Variants in EML4 observed in about 807,000 individuals in gnomAD.
EML4 encodes the protein echinoderm microtubule-associated protein-like 4.
In EML4, 72 loss-of-function variants were observed where a neutral mutation model predicts 129.0. That is an observed-to-expected ratio of 0.56 (90% CI 0.46 to 0.68). The LOEUF is 0.68. EML4 is among the 30% of genes least tolerant of loss of function. EML4 has a pLI of 0.00. For synonymous variants in EML4, 532 were observed against 405.0 expected (o/e 1.31, Z -3.77); for missense variants, 1,363 against 1,190.6 (o/e 1.14, Z -2.13).
chr2:42,285,642 A>G (rs1365291339), intron 9 of EML4, among the ~76,000 whole-genome samples: 2 of 144,472 alleles, frequency 1.4e-5, no homozygotes, highest in Admixed American at 7.2e-5. Flanking sequence ...TCTGTCTCCC[A>G]GGCTGGAGTG....
In EML4 at chr2:42,169,607, G is replaced by T. The variant is rs370083781; in HGVS notation, c.-5G>T. 6 of 1,598,608 alleles carry T rather than the reference G, an allele frequency of 3.8e-6. No individual in the cohort carries two copies. Among genetic ancestry groups the T allele is most frequent in the South Asian group, 2.2e-5 (2 of 89,996 alleles). On this transcript the variant is annotated 5_prime_UTR_variant, in exon 1 of 23. Coordinates refer to ENST00000318522, the MANE Select transcript of EML4 (RefSeq NM_019063.5). ...AAGCCCGGAGCCCGGCGCTTTCCCC[G>T]CAAGATGGACGGTTTCGCCGGCAGT...
At chr2:42,215,400 C>A (rs1673125336) in intron 1 of EML4, among the ~76,000 whole-genome samples, 1 of 152,154 alleles carries the variant, frequency 6.6e-6, no homozygotes, top group African/African-American at 2.4e-5. Flanking sequence ...ATAATCCAAG[C>A]TGATTTTCAT....
At chr2:42,189,720 C>T (rs112435235) in intron 1 of EML4, among the ~76,000 whole-genome samples, 1,553 of 152,298 alleles carry the variant, frequency 0.01, 20 homozygotes, top group African/African-American at 0.036. Flanking sequence ...TGATATCATA[C>T]AGTTAGTGTG....
chr2:42,248,651 T>G (rs192414144), intron 2 of EML4, among the ~76,000 whole-genome samples: 1 of 152,246 alleles, frequency 6.6e-6, no homozygotes, highest in Admixed American at 6.5e-5. Flanking sequence ...CACATAACAC[T>G]AACTTAATTC....
intron 1 of EML4, among the ~76,000 whole-genome samples, chr2:42,189,931 C>A (rs1671487811): frequency 6.6e-6 from 1 of 150,664 alleles, no homozygotes; most frequent in African/African-American, 2.4e-5. Context: ...CATCATGAGA[C>A]ATATTACGAA....
intron 13 of EML4, among the ~76,000 whole-genome samples, chr2:42,299,719 C>T (rs1009997610): frequency 6.6e-6 from 1 of 152,070 alleles, no homozygotes; most frequent in East Asian, 1.9e-4. Context: ...GATGGAGTTT[C>T]ACTCTTGTTG....
rs140319582 is a variant in EML4 at position 42,295,228 on chromosome 2, A to T, written c.1322A>T (p.Asn441Ile). 6.2e-7 allele frequency: 1 copy of T among 1,613,724 alleles called. No homozygotes were observed. Among genetic ancestry groups the T allele is most frequent in the African/African-American group, 1.3e-5 (1 of 74,926 alleles). Reference sequence around the variant, plus strand: ...ATTTTCTTCTGGACCTGGAGCGGCAATTCACTAACAAGAAAACAGGGAATT... The same window carrying T: ...ATTTTCTTCTGGACCTGGAGCGGCATTTCACTAACAAGAAAACAGGGAATT... Reference protein sequence around the residue: ...SHIFFWTWSGNSLTRKQGIFG... With the variant: ...SHIFFWTWSGISLTRKQGIFG... The change falls in exon 12 of 23, where the codon AAT becomes ATT. Residue 441 changes from asparagine to isoleucine, a missense_variant. Transcript: ENST00000318522.
At chr2:42,245,094 C>CTTTTTTTTTTT (rs56808218) in intron 1 of EML4, among the ~76,000 whole-genome samples, 3,790 of 66,158 alleles carry the variant, frequency 0.057, 848 homozygotes, top group Non-Finnish European at 0.073. Context: ...AATTTTCTTT[C>CTTTTTTTTTTT]TTTTTTTTTT....
chr2:42,257,652 G>A (rs992743996), intron 3 of EML4, among the ~76,000 whole-genome samples: 3 of 152,072 alleles, frequency 2.0e-5, no homozygotes, highest in Non-Finnish European at 4.4e-5. Context: ...TGGCTAACAC[G>A]GTGAAACCCC....
chr2:42,328,838 A>G lies in EML4; in HGVS notation c.2342-48A>G, dbSNP rs373350905. On this transcript the variant is annotated intron_variant, in intron 21 of 22. Transcript: ENST00000318522. The stretch of plus-strand genomic sequence containing the variant: ...AATAAACATATATAGCATCACAGTT[A>G]TATTTCTTCAGCTAATTTTTCTGCA... 12 of 1,504,518 alleles carry G rather than the reference A, an allele frequency of 8.0e-6. No homozygotes were observed. In the African/African-American group the frequency reaches 9.7e-5, roughly 12 times the overall value. The allele number at this position is 1,504,518 out of a possible 1,614,324, so 93.2% of individuals were successfully genotyped here.
intron 11 of EML4, among the ~76,000 whole-genome samples, chr2:42,290,968 C>T (rs1027877334): frequency 2.3e-4 from 35 of 151,802 alleles, no homozygotes; most frequent in Admixed American, 6.6e-5. Flanking sequence ...AGGGAATAGC[C>T]ACAATTGTAA....
At chr2:42,254,301 A>C (rs1463988399) in intron 2 of EML4, among the ~76,000 whole-genome samples, 1 of 152,108 alleles carries the variant, frequency 6.6e-6, no homozygotes, top group Non-Finnish European at 1.5e-5. Flanking sequence ...CGAAAAAAAT[A>C]TAAAAATTAG....
At position 42,176,411 on chromosome 2, in the gene EML4, C is replaced by T. The variant is rs1271210563; in HGVS notation, c.25+6775C>T. Among the ~76,000 whole-genome samples, 4 of 152,218 alleles carry T rather than the reference C, an allele frequency of 2.6e-5. No homozygotes were observed. The East Asian group carries it at 7.7e-4, about 29-fold the overall frequency. On this transcript the variant is annotated intron_variant, in intron 1 of 22. Coordinates refer to ENST00000318522, the MANE Select transcript of EML4 (RefSeq NM_019063.5). Reference sequence around the variant, plus strand: ...ATGCTTTGATTGTGCTATTCACCCTCTCAGATTGCTTCATTGCTTTAATGA... The same window carrying T: ...ATGCTTTGATTGTGCTATTCACCCTTTCAGATTGCTTCATTGCTTTAATGA...
At position 42,317,403 on chromosome 2, in the gene EML4, C is replaced by G. The variant is rs367620523; in HGVS notation, c.2057-24C>G. On this transcript the variant is annotated intron_variant, in intron 18 of 22. Transcript: ENST00000318522. ...AAATTTATCAGTATATTTCTCTAGT[C>G]AACACTGACCTATTTTATTCTAGAT... 4 of 1,419,032 alleles carry G rather than the reference C, an allele frequency of 2.8e-6. No individual in the cohort carries two copies. The African/African-American group carries it at 4.3e-5, about 15-fold the overall frequency. The allele number at this position is 1,419,032 out of a possible 1,614,324, so 87.9% of individuals were successfully genotyped here. A position where few individuals can be genotyped will look rare whatever the true frequency, so the allele number is the denominator to read the frequency against.
chr2:42,303,013 C>T (rs1000823445), intron 14 of EML4, 91 bp from the exon 15 acceptor site: 5 of 1,323,554 alleles, frequency 3.8e-6, no homozygotes, highest in Non-Finnish European at 5.3e-6. Flanking sequence ...TCATAATTAC[C>T]TCATAATTGC....
In EML4 at chr2:42,306,483, CCTTTTTT is replaced by C. The variant is rs1668598706; in HGVS notation, c.1967+1933_1967+1939del. ...AGTGTCTGATGACCTTGTGCTAAAT[CCTTTTTT>C]TTTTTTTTTTTTTTTTTTTTGAGAT... On this transcript the variant is annotated intron_variant, in intron 17 of 22. Transcript: ENST00000318522. Among the ~76,000 whole-genome samples the C allele has an allele frequency of 2.1e-5, 2 of 95,456 alleles. 1 individual carries two copies. The highest frequency in any genetic ancestry group is 4.6e-5 in the Non-Finnish European group (2 of 43,692). 62.6% of individuals were successfully genotyped at this position (95,456 alleles called of 152,430 possible). A position where few individuals can be genotyped will look rare whatever the true frequency, so the allele number is the denominator to read the frequency against.
At chr2:42,241,751 G>A (rs1272816107) in intron 1 of EML4, among the ~76,000 whole-genome samples, 1 of 152,130 alleles carries the variant, frequency 6.6e-6, no homozygotes, top group African/African-American at 2.4e-5. Context: ...CATAAGGTGA[G>A]AGTCAAAAGA....
At chr2:42,184,180 A>G (rs563234505) in intron 1 of EML4, among the ~76,000 whole-genome samples, 1 of 152,152 alleles carries the variant, frequency 6.6e-6, no homozygotes, top group Non-Finnish European at 1.5e-5. Flanking sequence ...CTCTATTCTT[A>G]CTTAACCTGT....
chr2:42,179,898 G>A (rs1558477699), intron 1 of EML4, among the ~76,000 whole-genome samples: 1 of 152,164 alleles, frequency 6.6e-6, no homozygotes, highest in African/African-American at 2.4e-5. Context: ...ACCACACCCG[G>A]CCATATGTGT....
Sources: allele counts gnomAD v4.1 joint callset (sites outside exome capture counted in the v4.1 genomes callset), GRCh38; gene constraint gnomAD v4.1.1; transcripts MANE v1.5; gene names NCBI Gene and HGNC (gene_info 2026-07-23, HGNC 2026-07-21).